The following ATRX variants were observed in gnomAD, a reference collection of about 807,000 sequenced individuals.
ATRX encodes ATRX chromatin remodeler, also known as chromatin remodeler ATRX.
In ATRX, 12 loss-of-function variants were observed where a neutral mutation model predicts 172.6. The ratio of observed to expected loss-of-function variants is 0.07; its 90% confidence interval spans 0.04 to 0.11. The LOEUF (loss-of-function observed/expected upper bound fraction) is 0.11. Among genes scored for constraint, ATRX ranks in the 10% least tolerant of loss-of-function variants. The pLI, the probability that ATRX is intolerant of heterozygous loss-of-function variation, is 1.00. For missense variants in ATRX, 1,368 were observed against 1,767.4 expected, an observed-to-expected ratio of 0.77 and a Z score of 4.05; for synonymous variants, 674 against 594.7, an observed-to-expected ratio of 1.13 and a Z score of -1.94.
At chrX:77,522,122 CAAAT>C (rs1489431843) in intron 32 of ATRX, 137 bp downstream of exon 32, 35 of 883,938 alleles carry the variant, frequency 4.0e-5, no homozygotes, top group Admixed American at 4.7e-5. Context: ...AAACGGTCAA[CAAAT>C]AAAACAAAAA....
At chrX:77,632,563 C>T (rs1209514533) in intron 19 of ATRX, among the ~76,000 whole-genome samples, 3 of 112,181 alleles carry the variant, frequency 2.7e-5, no homozygotes, top group Non-Finnish European at 5.6e-5. Flanking sequence ...ATTACCCAGA[C>T]TTTCTCAACA....
intron 15 of ATRX, among the ~76,000 whole-genome samples, chrX:77,647,732 T>C (rs1335071331): frequency 8.9e-6 from 1 of 111,885 alleles, no homozygotes. Context: ...TAGCTAATGA[T>C]ACACCTGCTA....
intron 34 of ATRX, among the ~76,000 whole-genome samples, chrX:77,509,632 G>A (rs2062799368): frequency 9.0e-6 from 1 of 110,977 alleles, no homozygotes; most frequent in Admixed American, 9.5e-5. Flanking sequence ...CAGGAAAAGA[G>A]TACAGTGATT....
chrX:77,567,223 C>T (rs782695915), intron 28 of ATRX, among the ~76,000 whole-genome samples: 7 of 110,756 alleles, frequency 6.3e-5, no homozygotes, highest in Admixed American at 3.8e-4. Flanking sequence ...GAAAGAGAAC[C>T]AACTGAACAA....
intron 3 of ATRX, among the ~76,000 whole-genome samples, chrX:77,698,152 T>A (rs782490768): frequency 9.0e-6 from 1 of 111,588 alleles, no homozygotes; most frequent in African/African-American, 3.3e-5. Flanking sequence ...TTTTTTACAG[T>A]AGGTCAAAAA....
chrX:77,698,742 T>C lies in ATRX; in HGVS notation c.134-113A>G. 4 of 582,385 alleles carry C rather than the reference T, an allele frequency of 6.9e-6. No homozygotes were observed. In the South Asian group the frequency reaches 1.0e-4, roughly 15 times the overall value. The allele number at this position is 582,385 out of a possible 1,213,427, so 48.0% of individuals were successfully genotyped here. ...CTCACACTATGAAGTCTGGCAGTAT[T>C]GTTAACATACTACTCACATTAAAAT... is the stretch of plus-strand genomic sequence containing the variant. On this transcript the variant is annotated intron_variant, in intron 2 of 34. Coordinates refer to ENST00000373344, the MANE Select transcript of ATRX (RefSeq NM_000489.6).
chrX:77,660,671 T>C (rs2069835520), intron 12 of ATRX, among the ~76,000 whole-genome samples: 1 of 111,398 alleles, frequency 9.0e-6, no homozygotes, highest in Admixed American at 9.5e-5. Context: ...TTTATTAACA[T>C]TAAAATGTCC....
chrX:77,665,730 A>G (rs1261513473), intron 10 of ATRX, among the ~76,000 whole-genome samples: 2 of 112,062 alleles, frequency 1.8e-5, no homozygotes, highest in Non-Finnish European at 3.8e-5. Context: ...TATCCTTTCA[A>G]TATAAATTCA....
At chrX:77,767,089 G>T (rs1415986302) in intron 1 of ATRX, among the ~76,000 whole-genome samples, 3 of 112,125 alleles carry the variant, frequency 2.7e-5, no homozygotes, top group Non-Finnish European at 5.6e-5. Flanking sequence ...GTGTGGTGGC[G>T]CGCGCCTGCA....
chrX:77,682,776 C>T lies in ATRX; in HGVS notation c.2480G>A (p.Ser827Asn), dbSNP rs897147546. The part of the protein sequence containing the change: ...YDSELEKEIK[S>N]MSKIGAARTT... ...TCTGGCAGCACCAATTTTACTCATG[C>T]TCTTTATCTCTTTTTCTAATTCTGA... The change falls in exon 9 of 35, where the codon AGC (serine) becomes AAC (asparagine). Residue 827 changes from serine to asparagine, a missense_variant. By Grantham distance (46) the Ser-to-Asn change is conservative (BLOSUM62 1). This residue lies in a region of ATRX where 843 missense variants were observed against 643.1 expected (regional missense o/e 1.31). Coordinates refer to ENST00000373344, the MANE Select transcript of ATRX (RefSeq NM_000489.6). The T allele has an allele frequency of 1.2e-5, 15 of 1,209,983 alleles. No homozygotes were observed. The highest frequency in any genetic ancestry group is 1.7e-5 in the Non-Finnish European group (15 of 894,931).
chrX:77,599,370 A>C, intron 25 of ATRX, 41 bp downstream of exon 25: 1 of 1,199,629 alleles, frequency 8.3e-7, no homozygotes, highest in Non-Finnish European at 1.1e-6. Flanking sequence ...ACATTTTCCA[A>C]ATTACTGTTC....
chrX:77,753,310 G>A (rs1557188479), intron 1 of ATRX, among the ~76,000 whole-genome samples: 1 of 111,321 alleles, frequency 9.0e-6, no homozygotes, highest in East Asian at 2.8e-4. Flanking sequence ...GATCAGTGGT[G>A]ATATCCCCTT....
At chrX:77,751,144 C>G (rs1410460516) in intron 1 of ATRX, among the ~76,000 whole-genome samples, 2 of 112,310 alleles carry the variant, frequency 1.8e-5, no homozygotes, top group African/African-American at 6.5e-5. Flanking sequence ...TACCCTTCCA[C>G]CAAAAGTGTA....
chrX:77,678,059 T>A lies in ATRX; in HGVS notation c.3737-1761A>T, dbSNP rs1176721088. ...CTGTCTCTACTGAAAATACAAAAAT[T>A]AGCCAATGTGGTGGCATGCACCTGT... On this transcript the variant is annotated intron_variant, in intron 9 of 34. Transcript: ENST00000373344. Among the ~76,000 whole-genome samples, 3 of 110,145 alleles carry A rather than the reference T, an allele frequency of 2.7e-5. No homozygotes were observed. The East Asian group carries it at 8.6e-4, about 32-fold the overall frequency.
chrX:77,697,603 T>C lies in ATRX; in HGVS notation c.222A>G (p.Ser74=), dbSNP rs782427200. ...GTSSSEKSKS[S]GSSRSKRKPS... ...CCAACCTCTTTGATCGTGACGATCC[T>C]GAAGACTTGGATTTTTCTGAAGAGC... The change falls in exon 4 of 35, where the codon TCA becomes TCG. Residue 74 remains serine (S), a synonymous_variant. Transcript: ENST00000373344. 1.1e-5 allele frequency: 13 copies of C among 1,209,205 alleles called. No individual in the cohort carries two copies. The Admixed American group carries it at 2.8e-4, about 26-fold the overall frequency.
At chrX:77,717,034 A>T in intron 2 of ATRX, 97 bp downstream of exon 2, 1 of 733,640 alleles carries the variant, frequency 1.4e-6, no homozygotes, top group East Asian at 3.3e-5. Context: ...TCTCTTTTAA[A>T]AGCTGCTCTC....
At position 77,682,180 on chromosome X, in the gene ATRX, A is replaced by G; in HGVS notation, c.3076T>C (p.Cys1026Arg). 5 of 1,211,158 alleles carry G rather than the reference A, an allele frequency of 4.1e-6. No individual in the cohort carries two copies. In the East Asian group the frequency reaches 1.5e-4, roughly 36 times the overall value. Residue 1026 changes from cysteine to arginine, a missense_variant, in exon 9 of 35, where the codon TGT (cysteine) becomes CGT (arginine). Physicochemically the swap from Cys to Arg is radical, Grantham distance 180. This residue lies in a region of ATRX where 843 missense variants were observed against 643.1 expected (regional missense o/e 1.31). Transcript: ENST00000373344. The stretch of plus-strand genomic sequence containing the variant: ...TGTTTTATGCCCTTAGGAAAATGAC[A>G]AATTTCTTCTCGCTCAGGTAACTTT... ...TEKLPEREEI[C>R]HFPKGIKQIK...
intron 26 of ATRX, among the ~76,000 whole-genome samples, chrX:77,592,268 G>A (rs1182399868): frequency 9.2e-6 from 1 of 108,219 alleles, no homozygotes; most frequent in African/African-American, 3.4e-5. Context: ...AAAATTAGCT[G>A]GGCGTGGTGG....
intron 1 of ATRX, among the ~76,000 whole-genome samples, chrX:77,775,264 C>A (rs2076306865): frequency 9.0e-6 from 1 of 111,455 alleles, no homozygotes; most frequent in African/African-American, 3.3e-5. Flanking sequence ...GCTATTTTTA[C>A]AAATTTTCTA....
Sources: gnomAD v4.1 joint callset for allele counts (sites outside exome capture counted in the v4.1 genomes callset) on GRCh38, gnomAD v4.1.1 for gene constraint, gnomAD v4.1.1 regional missense constraint, MANE v1.5 for transcripts, NCBI Gene and HGNC (gene_info 2026-07-23, HGNC 2026-07-21) for gene names.